The following MARCHF1 variants were observed in gnomAD, a reference collection of about 807,000 sequenced individuals.
MARCHF1 encodes the protein E3 ubiquitin-protein ligase MARCHF1.
In MARCHF1, 40 loss-of-function variants were observed where a neutral mutation model predicts 54.2. The observed-to-expected ratio is 0.74, with a 90% CI of 0.57 to 0.96. The LOEUF (loss-of-function observed/expected upper bound fraction) is 0.96. Ranked by LOEUF, MARCHF1 falls within the 40% of genes least tolerant of loss-of-function variation. The pLI is 0.00. For missense variants in MARCHF1, 586 were observed against 656.5 expected, an observed-to-expected ratio of 0.89 and a Z score of 1.17; for synonymous variants, 236 against 236.3, an observed-to-expected ratio of 1.00 and a Z score of 0.01.
intron 5 of MARCHF1, among the ~76,000 whole-genome samples, chr4:163,671,845 A>G (rs914533172): frequency 2.6e-5 from 4 of 152,136 alleles, no homozygotes; most frequent in Admixed American, 2.6e-4. Context: ...TTTTTTTTCT[A>G]AAGATAAAAG....
At chr4:163,891,440 A>T (rs955183348) in intron 3 of MARCHF1, among the ~76,000 whole-genome samples, 1 of 152,160 alleles carries the variant, frequency 6.6e-6, no homozygotes, top group African/African-American at 2.4e-5. Context: ...GGTTAACATA[A>T]ATTTCCAGCA....
intron 4 of MARCHF1, among the ~76,000 whole-genome samples, chr4:163,721,775 G>A (rs1222975222): frequency 6.6e-6 from 1 of 152,078 alleles, no homozygotes; most frequent in Non-Finnish European, 1.5e-5. Context: ...TATGTGTCCA[G>A]GAATTTATCC....
At chr4:164,359,319 T>C (rs1730656669) in intron 1 of MARCHF1, among the ~76,000 whole-genome samples, 1 of 152,198 alleles carries the variant, frequency 6.6e-6, no homozygotes, top group Non-Finnish European at 1.5e-5. Context: ...GTTTTCAGCA[T>C]TGTTGTCTAA....
chr4:163,914,277 A>C (rs12651216), intron 3 of MARCHF1, among the ~76,000 whole-genome samples: 2 of 151,902 alleles, frequency 1.3e-5, no homozygotes, highest in African/African-American at 4.8e-5. Context: ...TTCTTTAAAA[A>C]TTTTGTTTAA....
rs140113849 is a variant in MARCHF1, at chr4:164,203,589, T to C, written c.-322-91927A>G. 4.5e-4 allele frequency among the ~76,000 whole-genome samples: 68 copies of C among 152,290 alleles called. 1 individual carries two copies. The highest frequency in any genetic ancestry group is 3.4e-3 in the Middle Eastern group (1 of 292). On this transcript the variant is annotated intron_variant, in intron 1 of 9. Transcript: ENST00000514618. ...TACTCAAAGTCCAGCTGTTTCAATG[T>C]TAATTTTACTACCCTCACCCTGTGC...
chr4:164,265,920 T>C (rs1053604892), intron 1 of MARCHF1, among the ~76,000 whole-genome samples: 4 of 152,184 alleles, frequency 2.6e-5, no homozygotes, highest in African/African-American at 7.2e-5. Flanking sequence ...TATGGCCACA[T>C]AGTATCGAAT....
At chr4:163,622,310 G>T (rs78988716) in intron 5 of MARCHF1, among the ~76,000 whole-genome samples, 9,953 of 152,020 alleles carry the variant, frequency 0.065, 469 homozygotes, top group East Asian at 0.17. Flanking sequence ...CAACAGGTCT[G>T]GGAAAAACCT....
At chr4:163,744,475 C>T (rs1463414721) in intron 4 of MARCHF1, among the ~76,000 whole-genome samples, 6 of 152,132 alleles carry the variant, frequency 3.9e-5, no homozygotes, top group Admixed American at 1.3e-4. Context: ...TTGAGTCAAT[C>T]GGAATTTGCA....
At chr4:164,090,951 G>T (rs1197948716) in intron 2 of MARCHF1, among the ~76,000 whole-genome samples, 1 of 150,844 alleles carries the variant, frequency 6.6e-6, no homozygotes, top group East Asian at 1.9e-4. Flanking sequence ...ATTGAAGTGA[G>T]TTAAAGAAAT....
At chr4:163,907,019 A>G (rs1751084208) in intron 3 of MARCHF1, among the ~76,000 whole-genome samples, 1 of 151,976 alleles carries the variant, frequency 6.6e-6, no homozygotes, top group Non-Finnish European at 1.5e-5. Context: ...TCCTTTTTAA[A>G]CCTTAGTGTC....
chr4:163,928,283 C>T (rs985400724), intron 3 of MARCHF1, among the ~76,000 whole-genome samples: 1 of 151,808 alleles, frequency 6.6e-6, no homozygotes, highest in Non-Finnish European at 1.5e-5. Flanking sequence ...AATAAAACAA[C>T]ACATCAACAT....
At chr4:163,590,234 GT>G (rs941664932) in intron 7 of MARCHF1, among the ~76,000 whole-genome samples, 5 of 138,976 alleles carry the variant, frequency 3.6e-5, no homozygotes, top group Non-Finnish European at 7.8e-5. Context: ...TTCTTCATAA[GT>G]TTTTTTTTAA....
At chr4:163,534,133 C>G (rs1298481557) in intron 9 of MARCHF1, among the ~76,000 whole-genome samples, 3 of 152,018 alleles carry the variant, frequency 2.0e-5, no homozygotes, top group Non-Finnish European at 2.9e-5. Context: ...TTACAATAAA[C>G]TTCTACTAAT....
intron 4 of MARCHF1, among the ~76,000 whole-genome samples, chr4:163,792,975 C>T (rs1579291027): frequency 6.6e-6 from 1 of 152,308 alleles, no homozygotes; most frequent in African/African-American, 2.4e-5. Flanking sequence ...TGTCTCCTCT[C>T]TAAAGCGAAT....
chr4:164,086,944 T>G (rs1755204710), intron 2 of MARCHF1, among the ~76,000 whole-genome samples: 1 of 152,078 alleles, frequency 6.6e-6, no homozygotes, highest in South Asian at 2.1e-4. Context: ...TAAAAACACC[T>G]TTAGTAAGTT....
intron 7 of MARCHF1, among the ~76,000 whole-genome samples, chr4:163,606,443 A>G (rs1017726028): frequency 6.6e-6 from 1 of 152,096 alleles, no homozygotes; most frequent in Non-Finnish European, 1.5e-5. Flanking sequence ...GAGCTAACAC[A>G]CATGAAAGTA....
At chr4:163,866,228 A>C (rs1391569279) in intron 3 of MARCHF1, among the ~76,000 whole-genome samples, 2 of 151,380 alleles carry the variant, frequency 1.3e-5, no homozygotes, top group African/African-American at 4.8e-5. Context: ...ATTTTTAACT[A>C]TTCCAAAAAT....
chr4:163,896,676 T>A (rs1325510402), intron 3 of MARCHF1, among the ~76,000 whole-genome samples: 1 of 152,172 alleles, frequency 6.6e-6, no homozygotes, highest in African/African-American at 2.4e-5. Context: ...CATCTATCTC[T>A]TATCCTGGCA....
At chr4:163,574,166 T>A (rs1739953859) in intron 8 of MARCHF1, among the ~76,000 whole-genome samples, 1 of 152,100 alleles carries the variant, frequency 6.6e-6, no homozygotes, top group African/African-American at 2.4e-5. Context: ...GGTTGTTTGT[T>A]TTTTCCTTGT....
Sources: allele counts gnomAD v4.1 joint callset (sites outside exome capture counted in the v4.1 genomes callset), GRCh38; gene constraint gnomAD v4.1.1; transcripts MANE v1.5; gene names NCBI Gene and HGNC (gene_info 2026-07-23, HGNC 2026-07-21).